Variants in PTH1R observed in about 807,000 individuals in gnomAD.
PTH1R encodes parathyroid hormone/parathyroid hormone-related peptide receptor.
A neutral mutation model predicts 70.7 loss-of-function variants in PTH1R; 32 were observed. The ratio of observed to expected loss-of-function variants is 0.45; its 90% CI spans 0.34 to 0.61. PTH1R has a LOEUF of 0.61. Among genes scored for constraint, PTH1R ranks in the 20% least tolerant of loss-of-function variants. The pLI, the probability that PTH1R is intolerant of heterozygous loss-of-function variation, is 0.01. For synonymous variants in PTH1R, 329 were observed against 324.8 expected, an observed-to-expected ratio of 1.01 and a Z score of -0.14; for missense variants, 626 against 792.5, an observed-to-expected ratio of 0.79 and a Z score of 2.52.
rs181915774 is a variant in PTH1R at position 46,878,461 on chromosome 3, G to T, written c.-106+618G>T. On this transcript the variant is annotated intron_variant, in intron 1 of 15. Coordinates refer to ENST00000449590, the MANE Select transcript of PTH1R (RefSeq NM_000316.3). ...GGGATAAGAACTCAGCCTGAGGCTG[G>T]GGCTCATGATGGAGATAGAGCTCAG... 1.0e-3 allele frequency among the ~76,000 whole-genome samples: 158 copies of T among 152,322 alleles called. 1 individual carries two copies. The highest frequency in any genetic ancestry group is 3.7e-3 in the African/African-American group (154 of 41,570).
rs1031156388 is a variant in PTH1R at position 46,892,806 on chromosome 3, G to C, written c.76-1101G>C. 4.1e-6 allele frequency: 4 copies of C among 985,628 alleles called. No homozygotes were observed. The African/African-American group carries it at 7.0e-5, about 17-fold the overall frequency. The allele number at this position is 985,628 out of a possible 1,614,324, so 61.1% of individuals were successfully genotyped here. A position where few individuals can be genotyped will look rare whatever the true frequency, so the allele number is the denominator to read the frequency against. On this transcript the variant is annotated intron_variant, in intron 3 of 15. Coordinates refer to ENST00000449590, the MANE Select transcript of PTH1R (RefSeq NM_000316.3). The surrounding 1 kb of genome is among the most constrained non-coding windows in gnomAD (Gnocchi z 5.2). ...TCTGCCGCGGAGCTGAGGAGACGTA[G>C]CCTTCTGGGGTAGGGATGGAGGGGG...
chr3:46,903,394 A>G lies in PTH1R; in HGVS notation c.1520A>G (p.Asn507Ser). The change falls in exon 16 of 16, where the codon AAT becomes AGT. Residue 507 changes from asparagine to serine, a missense_variant. Asn to Ser is a conservative substitution (Grantham distance 46, BLOSUM62 1). Coordinates refer to ENST00000449590, the MANE Select transcript of PTH1R (RefSeq NM_000316.3). This position sits in a 1 kb window ranked among gnomAD's most constrained non-coding sequence, Gnocchi z 4.4. The stretch of plus-strand genomic sequence containing the variant: ...ATGGTGTCCCACACAAGTGTGACCA[A>G]TGTCGGCCCCCGTGTGGGACTCGGC... ...GPMVSHTSVTNVGPRVGLGLP... is the reference protein window; with the variant it reads ...GPMVSHTSVTSVGPRVGLGLP... 1.2e-6 allele frequency: 2 copies of G among 1,613,488 alleles called. No homozygotes were observed. The highest frequency in any genetic ancestry group is 1.7e-6 in the Non-Finnish European group (2 of 1,179,846).
chr3:46,902,823 G>T lies in PTH1R; in HGVS notation c.1395+33G>T, dbSNP rs1408425050. ...GGAGACAGTGTTGGCATAGGGCAGG[G>T]TGGGGCAGATACCCCAGAGGCTTCC... is the stretch of plus-strand genomic sequence containing the variant. On this transcript the variant is annotated intron_variant, in intron 15 of 15. Coordinates refer to ENST00000449590, the MANE Select transcript of PTH1R (RefSeq NM_000316.3). The surrounding 1 kb of genome is among the most constrained non-coding windows in gnomAD (Gnocchi z 5.4). 3 of 1,613,188 alleles carry T rather than the reference G, an allele frequency of 1.9e-6. No individual in the cohort carries two copies. Among genetic ancestry groups the T allele is most frequent in the Non-Finnish European group, 2.5e-6 (3 of 1,179,768 alleles).
In PTH1R at chr3:46,898,410, C is replaced by T. The variant is rs1183865891; in HGVS notation, c.576C>T (p.Thr192=). 1.2e-5 allele frequency: 19 copies of T among 1,613,854 alleles called. No individual in the cohort carries two copies. Among genetic ancestry groups the T allele is most frequent in the Non-Finnish European group, 1.6e-5 (19 of 1,180,012 alleles). ...EVFDRLGMIY[T]VGYSVSLASL... The stretch of plus-strand genomic sequence containing the variant: ...TTGACCGCCTGGGCATGATTTACAC[C>T]GTGGGCTACTCCGTGTCCCTGGCGT... Residue 192 remains threonine, a synonymous_variant, in exon 8 of 16, where the codon ACC becomes ACT. Coordinates refer to ENST00000449590, the MANE Select transcript of PTH1R (RefSeq NM_000316.3).
intron 10 of PTH1R, 47 bp from the exon 11 acceptor site, chr3:46,900,978 T>A (rs1264530727): frequency 2.6e-6 from 4 of 1,551,572 alleles, no homozygotes; most frequent in Non-Finnish European, 3.5e-6. Flanking sequence ...AATGACCTTG[T>A]GGACAGCAGC....
intron 9 of PTH1R, 37 bp from the exon 10 acceptor site, chr3:46,899,245 AGCCCTGACTTCCCGGAGGCAG>A (rs1235922955): frequency 6.2e-7 from 1 of 1,609,784 alleles, no homozygotes; most frequent in Non-Finnish European, 8.5e-7. Flanking sequence ...CCCCCAGCCC[AGCCCTGACTTCCCGGAGGCAG>A]GCCCTGCCCT....
At position 46,902,419 on chromosome 3, in the gene PTH1R, G is replaced by C; in HGVS notation, c.1212-107G>C. 6.8e-7 allele frequency: 1 copy of C among 1,463,396 alleles called. No individual in the cohort carries two copies. The highest frequency in any genetic ancestry group is 9.3e-7 in the Non-Finnish European group (1 of 1,070,024). The allele number at this position is 1,463,396 out of a possible 1,614,324, so 90.7% of individuals were successfully genotyped here. A position where few individuals can be genotyped will look rare whatever the true frequency, so the allele number is the denominator to read the frequency against. The stretch of plus-strand genomic sequence containing the variant: ...GTCCTCCCATGGTGACTGGAGCCCT[G>C]GGCCCCTTTGAGCTTCCGGAGCCTG... On this transcript the variant is annotated intron_variant, in intron 13 of 15. Coordinates refer to ENST00000449590, the MANE Select transcript of PTH1R (RefSeq NM_000316.3). The surrounding 1 kb of genome is among the most constrained non-coding windows in gnomAD (Gnocchi z 5.4).
At chr3:46,895,943 T>G in intron 5 of PTH1R, 74 bp downstream of exon 5, 1 of 1,538,380 alleles carries the variant, frequency 6.5e-7, no homozygotes, top group Non-Finnish European at 8.9e-7. Context: ...GTCCCTCTGA[T>G]GTGAGCTCAT....
Position 46,903,254 on chromosome 3 carries a change from C to T in PTH1R, c.1396-16C>T. On this transcript the variant is annotated splice_polypyrimidine_tract_variant and intron_variant, in intron 15 of 15. Coordinates refer to ENST00000449590, the MANE Select transcript of PTH1R (RefSeq NM_000316.3). The surrounding 1 kb of genome is among the most constrained non-coding windows in gnomAD (Gnocchi z 4.4). ...TTGGGAGACACACCTGACTGCCGCACCCTTACTGCCCCAAGGTACAAGCTG... is the reference window on the plus strand; with the variant it reads ...TTGGGAGACACACCTGACTGCCGCATCCTTACTGCCCCAAGGTACAAGCTG... 1 of 1,612,016 alleles carries T rather than the reference C, an allele frequency of 6.2e-7. No individual in the cohort carries two copies. Among genetic ancestry groups the T allele is most frequent in the Non-Finnish European group, 8.5e-7 (1 of 1,179,864 alleles).
At position 46,889,712 on chromosome 3, in the gene PTH1R, A is replaced by G. The variant is rs560441483; in HGVS notation, c.76-4195A>G. 2.0e-5 allele frequency among the ~76,000 whole-genome samples: 3 copies of G among 151,954 alleles called. No homozygotes were observed. The East Asian group carries it at 5.8e-4, about 29-fold the overall frequency. On this transcript the variant is annotated intron_variant, in intron 3 of 15. Coordinates refer to ENST00000449590, the MANE Select transcript of PTH1R (RefSeq NM_000316.3). ...CAGCCCTAATCAGGACCATAGGAGGAGTGTTGGGGGGATATGGGACAGCTG... is the reference window on the plus strand; with the variant it reads ...CAGCCCTAATCAGGACCATAGGAGGGGTGTTGGGGGGATATGGGACAGCTG...
chr3:46,898,803 G>T lies in PTH1R; in HGVS notation c.780G>T (p.Glu260Asp). Reference protein sequence around the residue: ...LDEAERLTEEELRAIAQAPPP... With the variant: ...LDEAERLTEEDLRAIAQAPPP... ...AGGCTGAGCGCCTCACCGAGGAGGA[G>T]CTGCGCGCCATCGCCCAGGCGCCCC... The change falls in exon 9 of 16, where the codon GAG becomes GAT. Residue 260 changes from glutamate to aspartate, a missense_variant. Physicochemically the swap from Glu to Asp is conservative, Grantham distance 45. Coordinates refer to ENST00000449590, the MANE Select transcript of PTH1R (RefSeq NM_000316.3). The T allele has an allele frequency of 6.3e-7, 1 of 1,591,254 alleles. No homozygotes were observed.
chr3:46,885,183 G>A (rs537277449), intron 3 of PTH1R, among the ~76,000 whole-genome samples: 1 of 152,264 alleles, frequency 6.6e-6, no homozygotes, highest in Admixed American at 6.5e-5. Flanking sequence ...GGGACTCTGG[G>A]CATGGTGTTC....
At chr3:46,895,913 C>A in intron 5 of PTH1R, 44 bp downstream of exon 5, 1 of 1,597,482 alleles carries the variant, frequency 6.3e-7, no homozygotes, top group Non-Finnish European at 8.5e-7. Context: ...GGGCTTGGAT[C>A]CACCCACCCC....
In PTH1R at chr3:46,902,237, C is replaced by T. The variant is rs926423489; in HGVS notation, c.1212-289C>T. Among the ~76,000 whole-genome samples, 2 of 152,184 alleles carry T rather than the reference C, an allele frequency of 1.3e-5. No homozygotes were observed. Among genetic ancestry groups the T allele is most frequent in the African/African-American group, 4.8e-5 (2 of 41,442 alleles). ...CGGACTGTGGGATAGTGAGGTTCGACCGTGGAGGGGAGTGCTTGCCAGCTG... is the reference window on the plus strand; with the variant it reads ...CGGACTGTGGGATAGTGAGGTTCGATCGTGGAGGGGAGTGCTTGCCAGCTG... On this transcript the variant is annotated intron_variant, in intron 13 of 15. Coordinates refer to ENST00000449590, the MANE Select transcript of PTH1R (RefSeq NM_000316.3). This position sits in a 1 kb window ranked among gnomAD's most constrained non-coding sequence, Gnocchi z 5.4.
In PTH1R at chr3:46,900,762, G is replaced by T. The variant is rs147004581; in HGVS notation, c.989-263G>T. Among the ~76,000 whole-genome samples the T allele has an allele frequency of 1.3e-3, 202 of 152,250 alleles. 2 individuals carry two copies. The highest frequency in any genetic ancestry group is 4.5e-3 in the African/African-American group (188 of 41,524). On this transcript the variant is annotated intron_variant, in intron 10 of 15. Transcript: ENST00000449590. ...TAGTGATACCTTATTATTATATTAT[G>T]CCTTGTACCCCATATATGTGCATAT...
At chr3:46,898,278 C>T in intron 7 of PTH1R, 86 bp downstream of exon 7, 1 of 1,571,648 alleles carries the variant, frequency 6.4e-7, no homozygotes, top group Non-Finnish European at 8.8e-7. Context: ...TGACCCCTGA[C>T]CTTGACTCCT....
chr3:46,880,268 G>A, intron 1 of PTH1R: 1 of 152,320 alleles, frequency 6.6e-6, no homozygotes, highest in East Asian at 1.9e-4. Flanking sequence ...GATCCTGGCA[G>A]AGGAAGCAGC....
Position 46,898,737 on chromosome 3 carries a change from C to G in PTH1R, c.714C>G (p.Phe238Leu). The G allele has an allele frequency of 1.2e-6, 2 of 1,610,420 alleles. No individual in the cohort carries two copies. Residue 238 changes from phenylalanine (F) to leucine (L), a missense_variant, in exon 9 of 16, where the codon TTC (phenylalanine) becomes TTG (leucine). Phe to Leu is a conservative substitution (Grantham distance 22). Transcript: ENST00000449590. ...TCATGCTGCGCGCCGTGAGCATCTT[C>G]GTCAAGGACGCTGTGCTCTACTCTG... The part of the protein sequence containing the change: ...LSFMLRAVSI[F>L]VKDAVLYSGA...
At position 46,901,897 on chromosome 3, in the gene PTH1R, G is replaced by C. The variant is rs759503805; in HGVS notation, c.1211+37G>C. On this transcript the variant is annotated intron_variant, in intron 13 of 15. Transcript: ENST00000449590. The surrounding 1 kb of genome is among the most constrained non-coding windows in gnomAD (Gnocchi z 7.3). ...ATGCCTGCCATGCCCTGGCTCCTCA[G>C]GGGTCCCTGAGTCCTGGTACCATGT... The C allele has an allele frequency of 6.4e-7, 1 of 1,567,902 alleles. No homozygotes were observed. Among genetic ancestry groups the C allele is most frequent in the East Asian group, 2.2e-5 (1 of 44,640 alleles).
Sources: allele counts gnomAD v4.1 joint callset (sites outside exome capture counted in the v4.1 genomes callset), GRCh38; gene constraint gnomAD v4.1.1; non-coding constraint Gnocchi (gnomAD v3.1); transcripts MANE v1.5; gene names NCBI Gene and HGNC (gene_info 2026-07-23, HGNC 2026-07-21).